LMTK2: variants seen among roughly 807,000 people sequenced by gnomAD.
LMTK2 encodes the protein lemur tail kinase 2.
LMTK2 carries 37 observed loss-of-function variants against 127.5 expected under a neutral mutation model. That is an observed-to-expected ratio of 0.29 (90% CI 0.22 to 0.38). LMTK2 has a LOEUF of 0.38. LMTK2 is among the 10% of genes least tolerant of loss of function. The pLI, the probability that LMTK2 is intolerant of heterozygous loss-of-function variation, is 1.00. For synonymous variants in LMTK2, 819 were observed against 810.1 expected, an observed-to-expected ratio of 1.01 and a Z score of -0.19; for missense variants, 1,694 against 1,920.3, an observed-to-expected ratio of 0.88 and a Z score of 2.20.
At chr7:98,116,156 G>A (rs1010581122) in intron 1 of LMTK2, among the ~76,000 whole-genome samples, 1 of 152,132 alleles carries the variant, frequency 6.6e-6, no homozygotes, top group South Asian at 2.1e-4. Flanking sequence ...GGCCTCCCAC[G>A]GTGTTGGGAT....
rs1249197265 is a variant in LMTK2, at chr7:98,179,504, G to GTT, written c.792-5546_792-5545dup. 4.7e-4 allele frequency among the ~76,000 whole-genome samples: 71 copies of GTT among 152,158 alleles called. 1 individual carries two copies. On this transcript the variant is annotated intron_variant, in intron 7 of 13. Coordinates refer to ENST00000297293, the MANE Select transcript of LMTK2 (RefSeq NM_014916.4). The stretch of plus-strand genomic sequence containing the variant: ...AACCTGTATCTCTGCAGTCGCAGCT[G>GTT]TTGGCCCAGTGGATAGAGCAGCCTT...
Position 98,205,773 on chromosome 7 carries a change from G to A in LMTK2, c.*281G>A, listed in dbSNP as rs1002643500. 31 of 537,424 alleles carry A rather than the reference G, an allele frequency of 5.8e-5. No individual in the cohort carries two copies. Among genetic ancestry groups the A allele is most frequent in the Non-Finnish European group, 1.0e-4 (31 of 296,764 alleles). 33.3% of individuals were successfully genotyped at this position (537,424 alleles called of 1,614,324 possible). ...AGTGCTCATGCGCTGGCCGTCGGGG[G>A]AGGCAGGGGCACAGCCTCCATGTGC... is the stretch of plus-strand genomic sequence containing the variant. On this transcript the variant is annotated 3_prime_UTR_variant, in exon 14 of 14. Transcript: ENST00000297293.
In LMTK2 at chr7:98,194,490, C is replaced by A. The variant is rs201906983; in HGVS notation, c.4025C>A (p.Pro1342His). ...SLLKPTAANAPDPLPEDWKKE... is the reference protein window; with the variant it reads ...SLLKPTAANAHDPLPEDWKKE... ...TTGAAGCCCACAGCGGCCAATGCCC[C>A]CGACCCACTGCCCGAGGACTGGAAG... The change falls in exon 11 of 14, where the codon CCC becomes CAC. Residue 1342 changes from proline to histidine, a missense_variant. Pro to His is a moderately conservative substitution (Grantham distance 77, BLOSUM62 -2). Coordinates refer to ENST00000297293, the MANE Select transcript of LMTK2 (RefSeq NM_014916.4). This position sits in a 1 kb window ranked among gnomAD's most constrained non-coding sequence, Gnocchi z 5.4. 1.4e-4 allele frequency: 229 copies of A among 1,613,816 alleles called. No individual in the cohort carries two copies. Among genetic ancestry groups the A allele is most frequent in the Non-Finnish European group, 1.8e-4 (218 of 1,180,036 alleles).
intron 2 of LMTK2, among the ~76,000 whole-genome samples, chr7:98,139,064 T>G (rs1796638877): frequency 6.6e-6 from 1 of 152,214 alleles, no homozygotes; most frequent in Non-Finnish European, 1.5e-5. Context: ...ACAGGTGACT[T>G]GCCGACATTC....
rs754977556 is a variant in LMTK2 at position 98,193,621 on chromosome 7, A to C, written c.3156A>C (p.Ala1052=). The change falls in exon 11 of 14, where the codon GCA becomes GCC. Residue 1052 remains alanine (A), a synonymous_variant. Transcript: ENST00000297293. The surrounding 1 kb of genome is among the most constrained non-coding windows in gnomAD (Gnocchi z 4.1). ...WTLHPAPEGT[A]DSEPATTGDG... Reference sequence around the variant, plus strand: ...TGCATCCCGCTCCCGAGGGCACCGCAGACTCAGAACCAGCCACCACGGGCG... The same window carrying C: ...TGCATCCCGCTCCCGAGGGCACCGCCGACTCAGAACCAGCCACCACGGGCG... 1.7e-5 allele frequency: 28 copies of C among 1,613,996 alleles called. No individual in the cohort carries two copies. In the East Asian group the frequency reaches 5.3e-4, roughly 31 times the overall value.
intron 11 of LMTK2, among the ~76,000 whole-genome samples, chr7:98,203,083 C>CTG (rs1797726977): frequency 6.6e-6 from 1 of 152,190 alleles, no homozygotes; most frequent in African/African-American, 2.4e-5. Flanking sequence ...TTGCTTGAGA[C>CTG]TGGAGAGCAA....
At chr7:98,117,860 G>C (rs1273391948) in intron 1 of LMTK2, among the ~76,000 whole-genome samples, 1 of 152,058 alleles carries the variant, frequency 6.6e-6, no homozygotes, top group Non-Finnish European at 1.5e-5. Context: ...CCAGCTACTC[G>C]GGAGGTTGAG....
Position 98,193,804 on chromosome 7 carries a change from C to T in LMTK2, c.3339C>T (p.Pro1113=), listed in dbSNP as rs61734171. 1.4e-3 allele frequency: 2,332 copies of T among 1,613,952 alleles called. 29 individuals carry two copies. In the African/African-American group the frequency reaches 0.026, roughly 18 times the overall value. ...ACTTCTCAGACAATGACTCTGAGCC[C>T]GAGAAAAGGTCTGAGGAGGTCCCGG... ...SAYFSDNDSE[P]EKRSEEVPGT... is the part of the protein sequence containing the mutation. Residue 1113 remains proline, a synonymous_variant, in exon 11 of 14, where the codon CCC becomes CCT. Coordinates refer to ENST00000297293, the MANE Select transcript of LMTK2 (RefSeq NM_014916.4). This position sits in a 1 kb window ranked among gnomAD's most constrained non-coding sequence, Gnocchi z 4.1.
At chr7:98,136,598 A>G (rs1013411225) in intron 1 of LMTK2, among the ~76,000 whole-genome samples, 13 of 152,184 alleles carry the variant, frequency 8.5e-5, no homozygotes, top group African/African-American at 3.1e-4. Context: ...TGAGAAGGGA[A>G]AGGTAGGCCT....
intron 6 of LMTK2, among the ~76,000 whole-genome samples, chr7:98,160,484 A>G (rs1424425490): frequency 1.3e-5 from 2 of 152,220 alleles, no homozygotes; most frequent in African/African-American, 4.8e-5. Context: ...GCTTTGAGTC[A>G]ACTGTGGCTC....
intron 1 of LMTK2, among the ~76,000 whole-genome samples, chr7:98,135,496 A>G (rs960017033): frequency 2.0e-5 from 3 of 151,656 alleles, no homozygotes; most frequent in East Asian, 2.0e-4. Flanking sequence ...TTTTATTGCT[A>G]TTTTTTGTAG....
chr7:98,162,114 C>G (rs1430283520), intron 6 of LMTK2, among the ~76,000 whole-genome samples: 1 of 152,184 alleles, frequency 6.6e-6, no homozygotes, highest in Non-Finnish European at 1.5e-5. Flanking sequence ...CACTCCGCTT[C>G]ATGTTTTCTT....
intron 7 of LMTK2, 73 bp from the exon 8 acceptor site, chr7:98,184,978 T>G: frequency 9.3e-7 from 1 of 1,071,364 alleles, no homozygotes; most frequent in Non-Finnish European, 1.4e-6. Context: ...AAAGCCCATT[T>G]CTGTGGCATT....
rs575310742 is a variant in LMTK2 at position 98,205,823 on chromosome 7, C to T, written c.*331C>T. Reference sequence around the variant, plus strand: ...CGCGCGCGTGTGGAGCTGTGTGCACCGCATGTGTGCTTTCCACAGGGGCGT... The same window carrying T: ...CGCGCGCGTGTGGAGCTGTGTGCACTGCATGTGTGCTTTCCACAGGGGCGT... On this transcript the variant is annotated 3_prime_UTR_variant, in exon 14 of 14. Coordinates refer to ENST00000297293, the MANE Select transcript of LMTK2 (RefSeq NM_014916.4). 1.0e-5 allele frequency: 4 copies of T among 383,784 alleles called. No homozygotes were observed. The highest frequency in any genetic ancestry group is 2.0e-5 in the African/African-American group (1 of 48,818). The allele number at this position is 383,784 out of a possible 1,614,324, so 23.8% of individuals were successfully genotyped here.
At chr7:98,203,807 G>A (rs1216590687) in intron 12 of LMTK2, 101 bp downstream of exon 12, 1 of 1,572,194 alleles carries the variant, frequency 6.4e-7, no homozygotes, top group African/African-American at 1.4e-5. Flanking sequence ...GACGCCCCCT[G>A]ACATGGGCAC....
intron 7 of LMTK2, among the ~76,000 whole-genome samples, chr7:98,179,939 A>T (rs1347131087): frequency 2.6e-5 from 4 of 152,182 alleles, no homozygotes; most frequent in Non-Finnish European, 5.9e-5. Context: ...AAACACAAAC[A>T]TATTACCGAA....
At chr7:98,159,802 G>T (rs1276287103) in intron 6 of LMTK2, among the ~76,000 whole-genome samples, 3 of 152,182 alleles carry the variant, frequency 2.0e-5, no homozygotes, top group East Asian at 1.9e-4. Context: ...AACCAGGCTT[G>T]AAACATCTTG....
intron 1 of LMTK2, among the ~76,000 whole-genome samples, chr7:98,113,363 C>A (rs1465884382): frequency 1.3e-5 from 2 of 152,182 alleles, no homozygotes; most frequent in Non-Finnish European, 2.9e-5. Flanking sequence ...CCATGTGGAA[C>A]TGTGAGTCAA....
intron 4 of LMTK2, among the ~76,000 whole-genome samples, chr7:98,151,966 T>C (rs1349477102): frequency 6.6e-6 from 1 of 152,074 alleles, no homozygotes; most frequent in Non-Finnish European, 1.5e-5. Context: ...GACATTTCGA[T>C]CATAACAAAG....
Sources: allele counts gnomAD v4.1 joint callset (sites outside exome capture counted in the v4.1 genomes callset), GRCh38; gene constraint gnomAD v4.1.1; non-coding constraint Gnocchi (gnomAD v3.1); transcripts MANE v1.5; gene names NCBI Gene and HGNC (gene_info 2026-07-23, HGNC 2026-07-21).